KCNAB2: variants seen among roughly 807,000 people sequenced by gnomAD.
KCNAB2 encodes voltage-gated potassium channel subunit beta-2.
In KCNAB2, 29 loss-of-function variants were observed where a neutral mutation model predicts 63.6. The ratio of observed to expected loss-of-function variants is 0.46; its 90% confidence interval spans 0.34 to 0.62. KCNAB2 has a LOEUF of 0.62. Ranked by LOEUF, KCNAB2 falls within the 20% of genes least tolerant of loss-of-function variation. The probability of loss-of-function intolerance (pLI) is 0.01; values close to 1 mark genes in which losing one functional copy is unlikely to be tolerated. For missense variants in KCNAB2, 359 were observed against 563.9 expected, an observed-to-expected ratio of 0.64 and a Z score of 3.68; for synonymous variants, 222 against 224.2, an observed-to-expected ratio of 0.99 and a Z score of 0.09.
In KCNAB2 at chr1:6,002,336, G is replaced by A. The variant is rs189240901; in HGVS notation, c.-53+9548G>A. On this transcript the variant is annotated intron_variant, in intron 1 of 16. Coordinates refer to the KCNAB2 transcript ENST00000341524. ...CTGAGCACCCTGAACAACAGGCAGT[G>A]CCCAAGGGAGGCCAGAGACAGCCGT... 4.8e-3 allele frequency among the ~76,000 whole-genome samples: 728 copies of A among 152,372 alleles called. 10 individuals are homozygous for A. The highest frequency in any genetic ancestry group is 0.016 in the African/African-American group (682 of 41,586).
upstream of KCNAB2, chr1:6,041,940 C>T: frequency 7.0e-7 from 1 of 1,423,600 alleles, no homozygotes; most frequent in Non-Finnish European, 9.9e-7. Context: ...GAGGACTGCA[C>T]CCTTGCCGAG....
chr1:6,100,073 C>A lies in KCNAB2; in HGVS notation c.*1499C>A, dbSNP rs1665931542. The A allele has an allele frequency of 6.8e-7, 1 of 1,465,250 alleles. No individual in the cohort carries two copies. Among genetic ancestry groups the A allele is most frequent in the African/African-American group, 1.4e-5 (1 of 70,382 alleles). The allele number at this position is 1,465,250 out of a possible 1,614,324, so 90.8% of individuals were successfully genotyped here. ...CCAGGGCGCACCCTCAGTGCAGGCA[C>A]CTCTGTTCCCGCTTTGCCCCTGGAG... On this transcript the variant is annotated 3_prime_UTR_variant, in exon 16 of 16. Transcript: ENST00000378083.
Position 6,009,910 on chromosome 1 carries a change from G to A in KCNAB2, c.-53+17122G>A, listed in dbSNP as rs142193603. On this transcript the variant is annotated intron_variant, in intron 1 of 16. Coordinates refer to the KCNAB2 transcript ENST00000341524. Reference sequence around the variant, plus strand: ...TTTTCCGACAGGGTCTCACTCTGCCGCCCAGGCTGGAATGCAGTGGCGCAA... The same window carrying A: ...TTTTCCGACAGGGTCTCACTCTGCCACCCAGGCTGGAATGCAGTGGCGCAA... Among the ~76,000 whole-genome samples, 40 of 143,364 alleles carry A rather than the reference G, an allele frequency of 2.8e-4. No individual in the cohort carries two copies. The East Asian group carries it at 5.7e-3, about 20-fold the overall frequency. The allele number at this position is 143,364 out of a possible 152,430, so 94.1% of individuals were successfully genotyped here. A position where few individuals can be genotyped will look rare whatever the true frequency, so the allele number is the denominator to read the frequency against.
rs994024736 is a variant in KCNAB2, at chr1:6,100,502, C to T, written c.*1928C>T. On this transcript the variant is annotated 3_prime_UTR_variant, in exon 16 of 16. Coordinates refer to ENST00000378083, the MANE Select transcript of KCNAB2 (RefSeq NM_001199862.2). ...CAGAGGGCAGGTGGCCCACCCTCGC[C>T]ATCAGGGAGGGTGGCTGGCCCCATC... 2 of 154,608 alleles carry T rather than the reference C, an allele frequency of 1.3e-5. No individual in the cohort carries two copies. The highest frequency in any genetic ancestry group is 6.5e-5 in the Admixed American group (1 of 15,418). 9.6% of individuals were successfully genotyped at this position (154,608 alleles called of 1,614,324 possible). A position where few individuals can be genotyped will look rare whatever the true frequency, so the allele number is the denominator to read the frequency against.
intron 10 of KCNAB2, 22 bp from the exon 11 acceptor site, chr1:6,094,378 G>A (rs1388605592): frequency 6.3e-7 from 1 of 1,596,274 alleles, no homozygotes; most frequent in Non-Finnish European, 8.5e-7. Context: ...CCCACCTGCG[G>A]TTTCCCTTTC....
chr1:6,075,599 A>G (rs1035378571), intron 4 of KCNAB2, among the ~76,000 whole-genome samples: 3 of 152,182 alleles, frequency 2.0e-5, no homozygotes, highest in Non-Finnish European at 4.4e-5. Flanking sequence ...ATACATCTAG[A>G]AGGGGGGGCC....
At chr1:6,025,074 C>G (rs1196854537) in intron 1 of KCNAB2, among the ~76,000 whole-genome samples, 1 of 152,180 alleles carries the variant, frequency 6.6e-6, no homozygotes, top group Non-Finnish European at 1.5e-5. Flanking sequence ...CTCCTTCTCC[C>G]TTCTCCCTCC....
At position 6,028,781 on chromosome 1, in the gene KCNAB2, C is replaced by T. The variant is rs756885704; in HGVS notation, c.-52-11736C>T. Among the ~76,000 whole-genome samples the T allele has an allele frequency of 3.3e-5, 5 of 152,176 alleles. No homozygotes were observed. Among genetic ancestry groups the T allele is most frequent in the Non-Finnish European group, 5.9e-5 (4 of 68,028 alleles). ...ACCCCGCCTCCTGGTGGCCACTGTC[C>T]CCATCGTATTAGAGTTGGCCTTTTG... On this transcript the variant is annotated intron_variant, in intron 1 of 16. Coordinates refer to the KCNAB2 transcript ENST00000341524. This position sits in a 1 kb window ranked among gnomAD's most constrained non-coding sequence, Gnocchi z 4.0.
chr1:6,081,175 G>A (rs1038334457), intron 4 of KCNAB2, among the ~76,000 whole-genome samples: 7 of 152,238 alleles, frequency 4.6e-5, no homozygotes, highest in Non-Finnish European at 7.3e-5. Context: ...GATGCACAGC[G>A]CATTTAGCTC....
At chr1:5,997,508 C>T (rs1338916385) in intron 1 of KCNAB2, among the ~76,000 whole-genome samples, 2 of 152,220 alleles carry the variant, frequency 1.3e-5, no homozygotes, top group Non-Finnish European at 2.9e-5. Context: ...CTGATTCCAG[C>T]AGCCCCTGGG....
chr1:6,091,049 A>G (rs962686477), intron 9 of KCNAB2, among the ~76,000 whole-genome samples: 1 of 152,224 alleles, frequency 6.6e-6, no homozygotes. Context: ...TTGCTGCTGC[A>G]GGGACTTGAA....
In KCNAB2 at chr1:6,049,752, C is replaced by T. The variant is rs576048948; in HGVS notation, c.-26-1759C>T. Among the ~76,000 whole-genome samples, 4 of 152,368 alleles carry T rather than the reference C, an allele frequency of 2.6e-5. No homozygotes were observed. The East Asian group carries it at 7.7e-4, about 29-fold the overall frequency. Reference sequence around the variant, plus strand: ...ACCTTCCCTACCTCAATTGCATGTTCATGCAACAGGCATTTGTAGGCTCTG... The same window carrying T: ...ACCTTCCCTACCTCAATTGCATGTTTATGCAACAGGCATTTGTAGGCTCTG... On this transcript the variant is annotated intron_variant, in intron 1 of 15. Coordinates refer to ENST00000378083, the MANE Select transcript of KCNAB2 (RefSeq NM_001199862.2).
intron 2 of KCNAB2, among the ~76,000 whole-genome samples, chr1:6,054,056 A>AAG (rs796633472): frequency 4.6e-5 from 7 of 151,508 alleles, no homozygotes; most frequent in African/African-American, 1.5e-4. Flanking sequence ...AAAAAAAAAA[A>AAG]AAGAAGAAGA....
chr1:6,095,207 G>A (rs935462044), intron 11 of KCNAB2, 116 bp from the exon 12 acceptor site: 6 of 1,104,530 alleles, frequency 5.4e-6, no homozygotes, highest in Non-Finnish European at 5.2e-6. Flanking sequence ...AGCCCGGGCT[G>A]CAGCTGCTGG....
chr1:6,085,269 G>A (rs200139970), intron 6 of KCNAB2, 21 bp downstream of exon 6: 216 of 1,612,290 alleles, frequency 1.3e-4, no homozygotes, highest in South Asian at 4.3e-4. Context: ...TGCTCTCTGC[G>A]GCCTGTCCCT....
chr1:6,082,357 C>G, intron 5 of KCNAB2, 83 bp downstream of exon 5: 3 of 1,066,244 alleles, frequency 2.8e-6, no homozygotes, highest in Non-Finnish European at 1.5e-6. Flanking sequence ...CGCTCGCGTT[C>G]CCAAGAGTGC....
At chr1:5,997,763 A>G (rs1471016232) in intron 1 of KCNAB2, among the ~76,000 whole-genome samples, 1 of 152,218 alleles carries the variant, frequency 6.6e-6, no homozygotes, top group Non-Finnish European at 1.5e-5. Context: ...CCCCTCCCAG[A>G]TGCAGGAGGG....
At position 6,090,426 on chromosome 1, in the gene KCNAB2, C is replaced by T. The variant is rs150749829; in HGVS notation, c.552C>T (p.Tyr184=). ...CCCTGGAGCGACTGCAGCTGGAGTA[C>T]GTGGATGTGGTGTTTGCCAACCGCC... ...KASLERLQLE[Y]VDVVFANRPD... is the part of the protein sequence containing the mutation. Residue 184 remains tyrosine (Y), a synonymous_variant, in exon 9 of 16, where the codon TAC becomes TAT. Transcript: ENST00000378083. 3.5e-5 allele frequency: 56 copies of T among 1,613,798 alleles called. No homozygotes were observed. In the Middle Eastern group the frequency reaches 1.2e-3, roughly 33 times the overall value.
intron 1 of KCNAB2, among the ~76,000 whole-genome samples, chr1:6,050,424 G>A (rs1479617409): frequency 6.6e-6 from 1 of 152,238 alleles, no homozygotes; most frequent in Non-Finnish European, 1.5e-5. Context: ...TGTCCTCATT[G>A]CGCTGTCACA....
Sources: gnomAD v4.1 joint callset for allele counts (sites outside exome capture counted in the v4.1 genomes callset) on GRCh38, gnomAD v4.1.1 for gene constraint, Gnocchi (gnomAD v3.1) non-coding constraint, MANE v1.5 for transcripts, NCBI Gene and HGNC (gene_info 2026-07-23, HGNC 2026-07-21) for gene names.